The following CFTR variants were observed in gnomAD, a reference collection of about 807,000 sequenced individuals.
CFTR encodes cystic fibrosis transmembrane conductance regulator.
Under a neutral mutation model 171.6 loss-of-function variants are expected in CFTR, and 181 were observed. The ratio of observed to expected loss-of-function variants is 1.05; its 90% CI spans 0.93 to 1.19. CFTR has a LOEUF of 1.19. CFTR is among the 50% of genes most tolerant of loss of function. The pLI is 0.00. For missense variants in CFTR, 1,968 were observed against 1,734.7 expected (o/e 1.13, Z -2.39); for synonymous variants, 583 against 608.0 (o/e 0.96, Z 0.60).
chr7:117,557,419 G>C (rs950478192), intron 10 of CFTR, among the ~76,000 whole-genome samples: 2 of 152,018 alleles, frequency 1.3e-5, no homozygotes, highest in African/African-American at 2.4e-5. Context: ...CATTATTCAT[G>C]ATATTTAGGT....
chr7:117,503,372 T>C (rs1428044755), intron 1 of CFTR, among the ~76,000 whole-genome samples: 1 of 152,218 alleles, frequency 6.6e-6, no homozygotes, highest in Non-Finnish European at 1.5e-5. Context: ...CAATTTTACC[T>C]GAGAAAGCTC....
chr7:117,534,324 C>G lies in CFTR; in HGVS notation c.538C>G (p.Leu180Val), dbSNP rs374163420. ...TCTAGATAAAATAAGTATTGGACAA[C>G]TTGTTAGTCTCCTTTCCAACAACCT... ...RVLDKISIGQ[L>V]VSLLSNNLNK... is the part of the protein sequence containing the mutation. Residue 180 changes from leucine to valine, a missense_variant, in exon 5 of 27, where the codon CTT becomes GTT. Coordinates refer to ENST00000003084, the MANE Select transcript of CFTR (RefSeq NM_000492.4). 1.9e-6 allele frequency: 3 copies of G among 1,605,194 alleles called. No homozygotes were observed. The African/African-American group carries it at 4.0e-5, about 21-fold the overall frequency.
chr7:117,606,274 C>A (rs1396227607), intron 17 of CFTR, among the ~76,000 whole-genome samples: 1 of 151,922 alleles, frequency 6.6e-6, no homozygotes, highest in Non-Finnish European at 1.5e-5. Context: ...AGAAGGAGAC[C>A]CCTATGTTAT....
intron 2 of CFTR, among the ~76,000 whole-genome samples, chr7:117,505,849 A>G (rs950589827): frequency 2.6e-5 from 4 of 152,204 alleles, no homozygotes; most frequent in Admixed American, 6.5e-5. Flanking sequence ...GCAAAGTAAG[A>G]TATTAAACTT....
intron 6 of CFTR, among the ~76,000 whole-genome samples, chr7:117,535,659 G>A (rs547233512): frequency 3.3e-5 from 5 of 150,406 alleles, no homozygotes; most frequent in East Asian, 3.9e-4. Flanking sequence ...CTCAGCCTCC[G>A]GAGTAGCTGG....
At chr7:117,488,435 A>G (rs1156981354) in intron 1 of CFTR, among the ~76,000 whole-genome samples, 1 of 152,126 alleles carries the variant, frequency 6.6e-6, no homozygotes, top group East Asian at 1.9e-4. Flanking sequence ...TCAGAAGAAG[A>G]AAATGGTAGC....
chr7:117,632,457 G>A (rs764403047), intron 22 of CFTR, among the ~76,000 whole-genome samples: 52 of 152,010 alleles, frequency 3.4e-4, no homozygotes, highest in Admixed American at 1.3e-3. Flanking sequence ...CAGCTACTTA[G>A]GAGACTGAGG....
At chr7:117,543,918 C>G (rs1799097327) in intron 9 of CFTR, among the ~76,000 whole-genome samples, 1 of 152,142 alleles carries the variant, frequency 6.6e-6, no homozygotes, top group Non-Finnish European at 1.5e-5. Flanking sequence ...TAGTCATATC[C>G]TGAGTTTTGT....
chr7:117,611,917 A>G (rs1319434938), intron 20 of CFTR, 109 bp downstream of exon 20: 1 of 697,206 alleles, frequency 1.4e-6, no homozygotes, highest in Non-Finnish European at 2.4e-6. Context: ...GAGTTTAGTA[A>G]TTAACAAATT....
rs397508308 is a variant in CFTR, at chr7:117,591,978, C to T, written c.1811C>T (p.Thr604Ile). ...GCTAACAAAACTAGGATTTTGGTCACTTCTAAAATGGAACATTTAAAGAAA... is the reference window on the plus strand; with the variant it reads ...GCTAACAAAACTAGGATTTTGGTCATTTCTAAAATGGAACATTTAAAGAAA... The part of the protein sequence containing the change: ...LMANKTRILV[T>I]SKMEHLKKAD... The change falls in exon 14 of 27, where the codon ACT (threonine) becomes ATT (isoleucine). Residue 604 changes from threonine to isoleucine, a missense_variant. Transcript: ENST00000003084. The T allele has an allele frequency of 6.3e-7, 1 of 1,598,498 alleles. No individual in the cohort carries two copies. Among genetic ancestry groups the T allele is most frequent in the South Asian group, 1.2e-5 (1 of 86,892 alleles).
chr7:117,620,967 C>T (rs184962334), intron 21 of CFTR, among the ~76,000 whole-genome samples: 1 of 152,154 alleles, frequency 6.6e-6, no homozygotes, highest in Admixed American at 6.5e-5. Flanking sequence ...ATTAGCCAGG[C>T]ATGATGGCAC....
chr7:117,542,084 G>GAAT lies in CFTR; in HGVS notation c.1186_1188dup (p.Asn396dup), dbSNP rs1432026647. Reference sequence around the variant, plus strand: ...TAACGACTACAGAAGTAGTGATGGAGAATGTAACAGCCTTCTGGGAGGAGG... The same window carrying GAAT: ...TAACGACTACAGAAGTAGTGATGGAGAATAATGTAACAGCCTTCTGGGAGGAGG... On this transcript the variant is annotated inframe_insertion, in exon 9 of 27. Coordinates refer to ENST00000003084, the MANE Select transcript of CFTR (RefSeq NM_000492.4). 6.3e-7 allele frequency: 1 copy of GAAT among 1,596,566 alleles called. No individual in the cohort carries two copies. Among genetic ancestry groups the GAAT allele is most frequent in the Admixed American group, 1.7e-5 (1 of 59,992 alleles).
chr7:117,516,088 G>A (rs1798592234), intron 3 of CFTR, among the ~76,000 whole-genome samples: 1 of 152,160 alleles, frequency 6.6e-6, no homozygotes, highest in Non-Finnish European at 1.5e-5. Context: ...TGAGATATTA[G>A]TTCTTTCATT....
At chr7:117,482,557 G>C (rs1357734281) in intron 1 of CFTR, among the ~76,000 whole-genome samples, 1 of 151,988 alleles carries the variant, frequency 6.6e-6, no homozygotes, top group Non-Finnish European at 1.5e-5. Flanking sequence ...GAGCAAACAA[G>C]TACATTAAAT....
intron 21 of CFTR, among the ~76,000 whole-genome samples, chr7:117,626,587 T>C (rs1465057932): frequency 1.3e-5 from 2 of 152,096 alleles, no homozygotes; most frequent in African/African-American, 4.8e-5. Flanking sequence ...ATGGTATCTT[T>C]TAAAAATAGA....
rs760088331 is a variant in CFTR, at chr7:117,602,814, G to T, written c.2620-12G>T. The T allele has an allele frequency of 4.3e-6, 7 of 1,613,334 alleles. No homozygotes were observed. Among genetic ancestry groups the T allele is most frequent in the Non-Finnish European group, 5.9e-6 (7 of 1,179,384 alleles). ...TTAGAAAAAAAATCAACTGTGTCTT[G>T]TTCCATTCCAGGTGGCTGCTTCTTT... On this transcript the variant is annotated splice_polypyrimidine_tract_variant and intron_variant, in intron 15 of 26. Coordinates refer to ENST00000003084, the MANE Select transcript of CFTR (RefSeq NM_000492.4).
Position 117,645,618 on chromosome 7 carries a change from A to G in CFTR, c.3873+3025A>G, listed in dbSNP as rs568411139. Among the ~76,000 whole-genome samples, 9 of 151,984 alleles carry G rather than the reference A, an allele frequency of 5.9e-5. No homozygotes were observed. The East Asian group carries it at 1.5e-3, about 26-fold the overall frequency. On this transcript the variant is annotated intron_variant, in intron 23 of 26. Transcript: ENST00000003084. ...CTCATCTTTTCCCTTGCATCCCTCC[A>G]TTATATGAGTCATACAAATTAGACT...
chr7:117,596,534 C>G (rs905895970), intron 15 of CFTR, among the ~76,000 whole-genome samples: 7 of 152,254 alleles, frequency 4.6e-5, no homozygotes, highest in African/African-American at 1.4e-4. Context: ...CCACCTGCAG[C>G]CCCAGTGCGG....
intron 11 of CFTR, among the ~76,000 whole-genome samples, 172 bp downstream of exon 11, chr7:117,559,827 A>G (rs1799431058): frequency 6.6e-6 from 1 of 152,146 alleles, no homozygotes. Flanking sequence ...TGCTTTAAGA[A>G]GCTTGCAAAC....
Sources: gnomAD v4.1 joint callset for allele counts (sites outside exome capture counted in the v4.1 genomes callset) on GRCh38, gnomAD v4.1.1 for gene constraint, MANE v1.5 for transcripts, NCBI Gene and HGNC (gene_info 2026-07-23, HGNC 2026-07-21) for gene names.